TAFA2: variants seen among roughly 807,000 people sequenced by gnomAD.
TAFA2 encodes the protein TAFA chemokine like family member 2.
A neutral mutation model predicts 18.8 loss-of-function variants in TAFA2; 7 were observed. The ratio of observed to expected loss-of-function variants is 0.37; its 90% CI spans 0.21 to 0.70. The LOEUF is 0.70. Among genes scored for constraint, TAFA2 ranks in the 30% least tolerant of loss-of-function variants. TAFA2 has a pLI of 0.53. For missense variants in TAFA2, 122 were observed against 158.1 expected (o/e 0.77, Z 1.23); for synonymous variants, 60 against 54.2 (o/e 1.11, Z -0.47).
intron 1 of TAFA2, among the ~76,000 whole-genome samples, chr12:62,119,911 T>C (rs1025545550): frequency 6.6e-6 from 1 of 151,808 alleles, no homozygotes; most frequent in African/African-American, 2.4e-5. Flanking sequence ...CTATCTCTAC[T>C]AGAAATACAA....
At chr12:62,220,307 A>T (rs923875605) in intron 1 of TAFA2, among the ~76,000 whole-genome samples, 9 of 152,202 alleles carry the variant, frequency 5.9e-5, no homozygotes, top group African/African-American at 1.9e-4. Flanking sequence ...AATATAAAAA[A>T]CAAGACAAAA....
intron 2 of TAFA2, among the ~76,000 whole-genome samples, chr12:61,774,116 T>C (rs1289531527): frequency 6.6e-6 from 1 of 151,676 alleles, no homozygotes; most frequent in Non-Finnish European, 1.5e-5. Flanking sequence ...TATCACTAAT[T>C]ATCAGGCAAA....
intron 2 of TAFA2, among the ~76,000 whole-genome samples, chr12:61,852,206 CAAAA>C (rs200785282): frequency 3.6e-5 from 3 of 83,176 alleles, no homozygotes; most frequent in Non-Finnish European, 5.9e-5. Flanking sequence ...AACTTCGTCT[CAAAA>C]AAAAAAAAAA....
intron 4 of TAFA2, among the ~76,000 whole-genome samples, chr12:61,711,941 A>T (rs921211791): frequency 6.6e-6 from 1 of 152,088 alleles, no homozygotes; most frequent in Non-Finnish European, 1.5e-5. Context: ...CCTGCCATTC[A>T]GGAGTCATCA....
At chr12:62,144,606 AT>A (rs997066053) in intron 1 of TAFA2, among the ~76,000 whole-genome samples, 1 of 152,242 alleles carries the variant, frequency 6.6e-6, no homozygotes, top group African/African-American at 2.4e-5. Flanking sequence ...CTCTTGGGGA[AT>A]TGTTACATTT....
chr12:62,248,044 A>G (rs1268243749), intron 1 of TAFA2, among the ~76,000 whole-genome samples: 1 of 152,226 alleles, frequency 6.6e-6, no homozygotes, highest in African/African-American at 2.4e-5. Context: ...AATTAGGTAC[A>G]TGGACACATT....
chr12:61,943,723 G>C (rs1316752887), intron 1 of TAFA2, among the ~76,000 whole-genome samples: 4 of 151,272 alleles, frequency 2.6e-5, no homozygotes, highest in East Asian at 1.9e-4. Flanking sequence ...TTACATAATG[G>C]TAAAGGGATC....
chr12:62,060,913 ATAAAAAT>A (rs1432032981), intron 1 of TAFA2, among the ~76,000 whole-genome samples: 7 of 152,136 alleles, frequency 4.6e-5, no homozygotes, highest in Non-Finnish European at 8.8e-5. Context: ...CTATGTATGC[ATAAAAAT>A]TAAAAATTAA....
At chr12:62,099,887 A>T (rs182507554) in intron 1 of TAFA2, among the ~76,000 whole-genome samples, 1 of 152,336 alleles carries the variant, frequency 6.6e-6, no homozygotes, top group Admixed American at 6.5e-5. Context: ...TCTGACTCTG[A>T]GTCAGAAAAA....
At chr12:62,201,191 A>G (rs2062669271) in intron 1 of TAFA2, among the ~76,000 whole-genome samples, 1 of 152,174 alleles carries the variant, frequency 6.6e-6, no homozygotes, top group Non-Finnish European at 1.5e-5. Flanking sequence ...GCAAACAGAG[A>G]CAGTTTGACT....
intron 1 of TAFA2, among the ~76,000 whole-genome samples, chr12:62,093,249 A>G (rs1474722470): frequency 6.6e-6 from 1 of 152,034 alleles, no homozygotes; most frequent in Non-Finnish European, 1.5e-5. Context: ...TCTGACATAT[A>G]GAACCATTTT....
intron 4 of TAFA2, among the ~76,000 whole-genome samples, chr12:61,711,525 C>T (rs2120537057): frequency 6.6e-6 from 1 of 152,088 alleles, no homozygotes; most frequent in South Asian, 2.1e-4. Context: ...TGTTACTTGT[C>T]CTTTGAAAAA....
At chr12:62,120,722 A>G (rs1220490092) in intron 1 of TAFA2, among the ~76,000 whole-genome samples, 1 of 152,096 alleles carries the variant, frequency 6.6e-6, no homozygotes, top group African/African-American at 2.4e-5. Flanking sequence ...TCTATTTTCC[A>G]GTCTCTCCTG....
At chr12:62,258,728 T>C (rs915302114) in intron 1 of TAFA2, 5 of 358,024 alleles carry the variant, frequency 1.4e-5, no homozygotes, top group African/African-American at 4.4e-5. Context: ...GGCAAGAACT[T>C]TGCAGCTAAA....
At chr12:61,959,777 T>C (rs1878818263) in intron 1 of TAFA2, among the ~76,000 whole-genome samples, 1 of 152,148 alleles carries the variant, frequency 6.6e-6, no homozygotes, top group Non-Finnish European at 1.5e-5. Flanking sequence ...TTTTTCAGAC[T>C]GAACTAGACA....
Position 62,086,447 on chromosome 12 carries a change from T to A in TAFA2, c.-2+104812A>T, listed in dbSNP as rs1309111484. 2.0e-5 allele frequency among the ~76,000 whole-genome samples: 3 copies of A among 152,082 alleles called. No homozygotes were observed. In the East Asian group the frequency reaches 5.8e-4, roughly 29 times the overall value. ...TATATAAAGAACTCCTACAACTGAA[T>A]AACAACAAACCAACCATCCAATTTA... On this transcript the variant is annotated intron_variant, in intron 1 of 4. Transcript: ENST00000416284.
chr12:62,055,753 A>T (rs1239862332), intron 1 of TAFA2, among the ~76,000 whole-genome samples: 4 of 152,208 alleles, frequency 2.6e-5, no homozygotes, highest in Admixed American at 2.0e-4. Flanking sequence ...ATTTTTTAGT[A>T]AAATGATAGA....
chr12:61,778,710 C>T (rs1292782509), intron 2 of TAFA2, among the ~76,000 whole-genome samples: 2 of 151,866 alleles, frequency 1.3e-5, no homozygotes, highest in African/African-American at 2.4e-5. Flanking sequence ...GGTTTGAGCT[C>T]CGGCTCTCTC....
chr12:62,159,078 C>T (rs1458442162), intron 1 of TAFA2, among the ~76,000 whole-genome samples: 1 of 152,150 alleles, frequency 6.6e-6, no homozygotes, highest in Non-Finnish European at 1.5e-5. Flanking sequence ...TGACAGGAAA[C>T]ATAATTTCTT....
Sources: gnomAD v4.1 joint callset for allele counts (sites outside exome capture counted in the v4.1 genomes callset) on GRCh38, gnomAD v4.1.1 for gene constraint, MANE v1.5 for transcripts, NCBI Gene and HGNC (gene_info 2026-07-23, HGNC 2026-07-21) for gene names.